DGKI: variants seen among roughly 807,000 people sequenced by gnomAD.
DGKI encodes DAG kinase iota.
Under a neutral mutation model 147.5 loss-of-function variants are expected in DGKI, and 55 were observed. The ratio of observed to expected loss-of-function variants is 0.37; its 90% CI spans 0.30 to 0.47. The LOEUF is 0.47. DGKI is among the 20% of genes least tolerant of loss of function. DGKI has a pLI of 1.00. For synonymous variants in DGKI, 469 were observed against 477.1 expected (o/e 0.98, Z 0.22); for missense variants, 1,007 against 1,323.8 (o/e 0.76, Z 3.71).
chr7:137,474,968 T>C (rs76650527), intron 23 of DGKI, among the ~76,000 whole-genome samples: 3,322 of 152,274 alleles, frequency 0.022, 166 homozygotes, highest in East Asian at 0.12. Context: ...GAGGAATTAA[T>C]GACACATAAA....
intron 30 of DGKI, among the ~76,000 whole-genome samples, chr7:137,403,020 G>A (rs896321419): frequency 6.6e-6 from 1 of 152,122 alleles, no homozygotes; most frequent in Non-Finnish European, 1.5e-5. Flanking sequence ...AGCAGAGTGT[G>A]CAGGGTGGCG....
chr7:137,505,509 A>G (rs1304273759), intron 21 of DGKI, among the ~76,000 whole-genome samples: 1 of 152,234 alleles, frequency 6.6e-6, no homozygotes, highest in Non-Finnish European at 1.5e-5. Flanking sequence ...GGGAAAGCTT[A>G]GTAAATAAAA....
Position 137,701,314 on chromosome 7 carries a change from C to G in DGKI, c.402-11312G>C, listed in dbSNP as rs115013816. On this transcript the variant is annotated intron_variant, in intron 1 of 32. Coordinates refer to ENST00000614521, the MANE Select transcript of DGKI (RefSeq NM_001321708.2). ...GGAGTCTGCCCTCACCACTTTTATT[C>G]AACATTGTAATGGAAGTTCTAGCCA... Among the ~76,000 whole-genome samples, 377 of 152,076 alleles carry G rather than the reference C, an allele frequency of 2.5e-3. 3 individuals carry two copies. Among genetic ancestry groups the G allele is most frequent in the African/African-American group, 8.8e-3 (366 of 41,488 alleles).
intron 5 of DGKI, among the ~76,000 whole-genome samples, chr7:137,651,123 C>T (rs566447586): frequency 1.1e-4 from 16 of 152,290 alleles, no homozygotes; most frequent in African/African-American, 3.6e-4. Context: ...TCAAAAGTAA[C>T]TGTGGTTTTT....
chr7:137,497,876 G>A (rs953182738), intron 21 of DGKI, among the ~76,000 whole-genome samples: 1 of 151,954 alleles, frequency 6.6e-6, no homozygotes, highest in Non-Finnish European at 1.5e-5. Flanking sequence ...TACTTAGGTG[G>A]TGAAATAATC....
At chr7:137,631,742 A>G (rs76573072) in intron 6 of DGKI, among the ~76,000 whole-genome samples, 21 of 152,058 alleles carry the variant, frequency 1.4e-4, no homozygotes, top group Admixed American at 1.2e-3. Flanking sequence ...CAAAAAAAAA[A>G]TGAACCATGT....
In DGKI at chr7:137,840,397, G is replaced by A. The variant is rs185292200; in HGVS notation, c.401+6065C>T. Among the ~76,000 whole-genome samples, 278 of 152,324 alleles carry A rather than the reference G, an allele frequency of 1.8e-3. 1 individual carries two copies. Among genetic ancestry groups the A allele is most frequent in the Non-Finnish European group, 3.1e-3 (211 of 68,038 alleles). On this transcript the variant is annotated intron_variant, in intron 1 of 32. Transcript: ENST00000614521. Reference sequence around the variant, plus strand: ...GTCAGGACTCCAGGAATGCTGGGTAGCCCTTTTTCTGCATTTTTACATTTT... The same window carrying A: ...GTCAGGACTCCAGGAATGCTGGGTAACCCTTTTTCTGCATTTTTACATTTT...
intron 30 of DGKI, 99 bp from the exon 31 acceptor site, chr7:137,397,512 TAAATTTGGGGATAGGAATAATAAGACAG>T: frequency 8.7e-7 from 1 of 1,152,850 alleles, no homozygotes; most frequent in East Asian, 2.3e-5. Flanking sequence ...CTTGGAAAGC[TAAATTTGGGGATAGGAATAATAAGACAG>T]AAAGAAAAAT....
At chr7:137,624,226 C>T (rs552278761) in intron 6 of DGKI, among the ~76,000 whole-genome samples, 50 of 152,328 alleles carry the variant, frequency 3.3e-4, no homozygotes, top group African/African-American at 1.1e-3. Flanking sequence ...TCGGCTGCTG[C>T]TGTCCCTAAA....
At chr7:137,811,278 G>A (rs1213028306) in intron 1 of DGKI, among the ~76,000 whole-genome samples, 1 of 151,900 alleles carries the variant, frequency 6.6e-6, no homozygotes, top group Non-Finnish European at 1.5e-5. Flanking sequence ...CAAATGGGAA[G>A]ATCCATTAAG....
intron 26 of DGKI, among the ~76,000 whole-genome samples, chr7:137,464,648 A>G (rs1814584085): frequency 6.6e-6 from 1 of 152,192 alleles, no homozygotes; most frequent in South Asian, 2.1e-4. Flanking sequence ...GTCTCCACCT[A>G]GACTTGGTAC....
chr7:137,491,254 T>C lies in DGKI; in HGVS notation c.2249-3565A>G, dbSNP rs181510405. On this transcript the variant is annotated intron_variant, in intron 21 of 32. Coordinates refer to ENST00000614521, the MANE Select transcript of DGKI (RefSeq NM_001321708.2). ...TAGATCACCAGATATCCACCACCCATTGTGGAAAGGCACAGTTACCTTACA... is the reference window on the plus strand; with the variant it reads ...TAGATCACCAGATATCCACCACCCACTGTGGAAAGGCACAGTTACCTTACA... Among the ~76,000 whole-genome samples the C allele has an allele frequency of 1.4e-3, 206 of 152,308 alleles. 1 individual carries two copies. The highest frequency in any genetic ancestry group is 1.5e-3 in the Non-Finnish European group (101 of 68,030).
chr7:137,465,958 C>A lies in DGKI; in HGVS notation c.2562G>T (p.Pro854=), dbSNP rs555376064. 1.2e-6 allele frequency: 2 copies of A among 1,613,984 alleles called. No homozygotes were observed. Among genetic ancestry groups the A allele is most frequent in the African/African-American group, 1.3e-5 (1 of 74,922 alleles). Residue 854 remains proline, a synonymous_variant, in exon 26 of 33, where the codon CCG becomes CCT. Transcript: ENST00000614521. ...ILDPDMVVSQ[P]AGTPPGMPDL... ...CAGGCATGCCCGGAGGTGTCCCCGC[C>A]GGCTGTGACACCACCATATCTGGGT... is the stretch of plus-strand genomic sequence containing the variant.
chr7:137,836,109 G>A (rs1361862958), intron 1 of DGKI, among the ~76,000 whole-genome samples: 1 of 152,164 alleles, frequency 6.6e-6, no homozygotes, highest in Non-Finnish European at 1.5e-5. Flanking sequence ...CAGTATAACA[G>A]TTTAAGAAAT....
chr7:137,760,787 G>A (rs1439738786), intron 1 of DGKI, among the ~76,000 whole-genome samples: 1 of 152,106 alleles, frequency 6.6e-6, no homozygotes, highest in Non-Finnish European at 1.5e-5. Context: ...CTCAGAATAA[G>A]ACCTTACATC....
intron 23 of DGKI, among the ~76,000 whole-genome samples, chr7:137,472,290 ATGTGTATATTTATGTG>A (rs1252668967): frequency 1.0e-3 from 11 of 10,856 alleles, no homozygotes; most frequent in African/African-American, 1.1e-3. Context: ...TATTATATGT[ATGTGTATATTTATGTG>A]TATATACATA....
Position 137,472,390 on chromosome 7 carries a change from T to TA in DGKI, c.2374-2772dup, listed in dbSNP as rs1563040449. ...TATAATTATTATATGTATATATACA[T>TA]ATTATAATTATTATATGTATATATA... On this transcript the variant is annotated intron_variant, in intron 23 of 32. Coordinates refer to ENST00000614521, the MANE Select transcript of DGKI (RefSeq NM_001321708.2). Among the ~76,000 whole-genome samples the TA allele has an allele frequency of 0.012, 120 of 10,022 alleles. 11 individuals are homozygous for TA. The East Asian group carries it at 0.22, about 19-fold the overall frequency. 6.6% of individuals were successfully genotyped at this position (10,022 alleles called of 152,430 possible). A position where few individuals can be genotyped will look rare whatever the true frequency, so the allele number is the denominator to read the frequency against.
chr7:137,433,074 A>C (rs1156940319), intron 28 of DGKI, among the ~76,000 whole-genome samples: 3 of 152,220 alleles, frequency 2.0e-5, no homozygotes, highest in Non-Finnish European at 4.4e-5. Flanking sequence ...TTGAGGATTG[A>C]CATAACAAGT....
chr7:137,431,018 T>C (rs1813050060), intron 28 of DGKI, among the ~76,000 whole-genome samples: 1 of 151,986 alleles, frequency 6.6e-6, no homozygotes, highest in Non-Finnish European at 1.5e-5. Context: ...TCTACCACCC[T>C]CTTCCCCAAA....
Sources: allele counts gnomAD v4.1 joint callset (sites outside exome capture counted in the v4.1 genomes callset), GRCh38; gene constraint gnomAD v4.1.1; transcripts MANE v1.5; gene names NCBI Gene and HGNC (gene_info 2026-07-23, HGNC 2026-07-21).